GRM7: variants seen among roughly 807,000 people sequenced by gnomAD.
GRM7 encodes glutamate metabotropic receptor 7, also known as metabotropic glutamate receptor 7.
GRM7 carries 35 observed loss-of-function variants against 84.5 expected under a neutral mutation model. That is an observed-to-expected ratio of 0.41 (90% CI 0.32 to 0.55). The LOEUF (loss-of-function observed/expected upper bound fraction) is 0.55, where lower values mean the gene tolerates loss of function less well. Among genes scored for constraint, GRM7 ranks in the 20% least tolerant of loss-of-function variants. GRM7 has a pLI of 0.19. For synonymous variants in GRM7, 487 were observed against 455.1 expected, an observed-to-expected ratio of 1.07 and a Z score of -0.89; for missense variants, 1,003 against 1,194.6, an observed-to-expected ratio of 0.84 and a Z score of 2.36.
chr3:7,579,951 C>T (rs915361681), intron 8 of GRM7, among the ~76,000 whole-genome samples: 3 of 152,200 alleles, frequency 2.0e-5, no homozygotes, highest in Non-Finnish European at 2.9e-5. Flanking sequence ...ACTAGATGGA[C>T]ATTAATCACA....
intron 8 of GRM7, among the ~76,000 whole-genome samples, chr3:7,609,086 G>C (rs550677978): frequency 1.3e-5 from 2 of 152,090 alleles, no homozygotes; most frequent in African/African-American, 4.8e-5. Context: ...GCCTGTTTTT[G>C]TACCAGTATC....
chr3:6,980,199 C>G (rs1030647995), intron 1 of GRM7, among the ~76,000 whole-genome samples: 1 of 152,018 alleles, frequency 6.6e-6, no homozygotes, highest in African/African-American at 2.4e-5. Flanking sequence ...GAAAGAAAAA[C>G]AAATAAAACT....
At chr3:7,314,723 G>A (rs899487317) in intron 4 of GRM7, among the ~76,000 whole-genome samples, 2 of 151,890 alleles carry the variant, frequency 1.3e-5, no homozygotes, top group Non-Finnish European at 2.9e-5. Context: ...TAAGATAATT[G>A]ATTTAAATTC....
intron 9 of GRM7, among the ~76,000 whole-genome samples, chr3:7,733,905 C>G (rs61582687): frequency 0.026 from 3,951 of 152,274 alleles, 185 homozygotes; most frequent in African/African-American, 0.09. Flanking sequence ...GCCCCTTCCA[C>G]TGAAAAGCCT....
chr3:7,229,749 ATATATATATATTT>A (rs1559514655), intron 2 of GRM7, among the ~76,000 whole-genome samples: 12 of 33,596 alleles, frequency 3.6e-4, no homozygotes, highest in Middle Eastern at 0.017. Context: ...ATATATATAT[ATATATATATATTT>A]TTTTTTTTTT....
chr3:7,329,288 C>T (rs559784563), intron 4 of GRM7, among the ~76,000 whole-genome samples: 2 of 152,204 alleles, frequency 1.3e-5, no homozygotes, highest in Non-Finnish European at 2.9e-5. Flanking sequence ...AGACTGGAAA[C>T]TGTTCCATCC....
chr3:7,547,552 A>G (rs1415304884), intron 7 of GRM7, among the ~76,000 whole-genome samples: 1 of 152,140 alleles, frequency 6.6e-6, no homozygotes, highest in African/African-American at 2.4e-5. Flanking sequence ...TGGGGCACGT[A>G]AGAATGTGCT....
chr3:7,192,594 A>G (rs1695744651), intron 2 of GRM7, among the ~76,000 whole-genome samples: 2 of 151,754 alleles, frequency 1.3e-5, no homozygotes, highest in African/African-American at 2.4e-5. Context: ...GTTGTGCCTA[A>G]GTGGCCATTG....
At chr3:7,374,870 G>T (rs1404895789) in intron 4 of GRM7, among the ~76,000 whole-genome samples, 1 of 152,078 alleles carries the variant, frequency 6.6e-6, no homozygotes. Flanking sequence ...GTGAACTAAT[G>T]ATTTCAGCTT....
intron 1 of GRM7, among the ~76,000 whole-genome samples, chr3:6,949,475 G>C (rs1692617722): frequency 6.6e-6 from 1 of 151,952 alleles, no homozygotes; most frequent in Admixed American, 6.6e-5. Context: ...CTTTCTCTCT[G>C]GTTGCCCTTA....
intron 7 of GRM7, among the ~76,000 whole-genome samples, chr3:7,471,643 C>G (rs1698706511): frequency 6.6e-6 from 1 of 152,144 alleles, no homozygotes; most frequent in African/African-American, 2.4e-5. Flanking sequence ...TTGGGTCCAC[C>G]TAGATAATTC....
At chr3:7,359,861 C>T (rs1004354608) in intron 4 of GRM7, among the ~76,000 whole-genome samples, 1 of 148,234 alleles carries the variant, frequency 6.7e-6, no homozygotes, top group Non-Finnish European at 1.5e-5. Flanking sequence ...TTCTCATTAT[C>T]GGTCATTTCA....
chr3:7,464,028 G>T (rs1232350679), intron 7 of GRM7, among the ~76,000 whole-genome samples: 1 of 152,140 alleles, frequency 6.6e-6, no homozygotes, highest in African/African-American at 2.4e-5. Flanking sequence ...AAGTGAGGTG[G>T]TTCTCAAACT....
At chr3:6,888,106 A>G (rs945815196) in intron 1 of GRM7, among the ~76,000 whole-genome samples, 4 of 151,778 alleles carry the variant, frequency 2.6e-5, no homozygotes, top group South Asian at 2.1e-4. Context: ...AATTTGTTGG[A>G]GTTCATTGTA....
intron 4 of GRM7, among the ~76,000 whole-genome samples, chr3:7,410,084 T>C (rs528254769): frequency 7.2e-5 from 11 of 152,142 alleles, no homozygotes; most frequent in African/African-American, 2.2e-4. Flanking sequence ...AAATGAGAAA[T>C]GTAGCCTAGG....
chr3:7,478,845 T>C (rs1334042410), intron 7 of GRM7, among the ~76,000 whole-genome samples: 1 of 152,180 alleles, frequency 6.6e-6, no homozygotes, highest in African/African-American at 2.4e-5. Flanking sequence ...TGCACATCTT[T>C]GACGGGTTAG....
chr3:7,532,971 C>T (rs551302114), intron 7 of GRM7, among the ~76,000 whole-genome samples: 1 of 151,844 alleles, frequency 6.6e-6, no homozygotes, highest in Non-Finnish European at 1.5e-5. Context: ...ACATATGCCC[C>T]CAGTACAGGA....
At chr3:7,196,195 G>A (rs1297504627) in intron 2 of GRM7, among the ~76,000 whole-genome samples, 3 of 152,092 alleles carry the variant, frequency 2.0e-5, no homozygotes, top group Non-Finnish European at 2.9e-5. Flanking sequence ...TCTTCTAGCC[G>A]AATTCCCTTT....
At chr3:6,896,071 T>G (rs1046715998) in intron 1 of GRM7, among the ~76,000 whole-genome samples, 41 of 152,286 alleles carry the variant, frequency 2.7e-4, no homozygotes, top group African/African-American at 9.1e-4. Flanking sequence ...CGAGTTAAAT[T>G]ATAACATGCA....
Sources: gnomAD v4.1 joint callset for allele counts (sites outside exome capture counted in the v4.1 genomes callset) on GRCh38, gnomAD v4.1.1 for gene constraint, MANE v1.5 for transcripts, NCBI Gene and HGNC (gene_info 2026-07-23, HGNC 2026-07-21) for gene names.